Variants in PTCH1 observed in about 807,000 individuals in gnomAD.
PTCH1 encodes patched 1, also known as protein patched homolog 1.
A neutral mutation model predicts 144.6 loss-of-function variants in PTCH1; 14 were observed. That is an observed-to-expected ratio of 0.10 (90% CI 0.06 to 0.15). PTCH1 has a LOEUF of 0.15. Among genes scored for constraint, PTCH1 ranks in the 10% least tolerant of loss-of-function variants. PTCH1 has a pLI of 1.00. For missense variants in PTCH1, 1,623 were observed against 1,948.3 expected (o/e 0.83, Z 3.14); for synonymous variants, 833 against 793.6 (o/e 1.05, Z -0.83).
intron 2 of PTCH1, among the ~76,000 whole-genome samples, chr9:95,498,087 ACATTGACTTAACAAAGCC>A (rs1842908893): frequency 6.6e-6 from 1 of 152,234 alleles, no homozygotes; most frequent in Non-Finnish European, 1.5e-5. Context: ...AAAATCATGC[ACATTGACTTAACAAAGCC>A]CATTTCCAGT....
At chr9:95,494,163 C>T (rs1036202329) in intron 2 of PTCH1, 20 of 975,682 alleles carry the variant, frequency 2.0e-5, no homozygotes, top group Admixed American at 6.1e-5. Context: ...GCGCATGCGC[C>T]GGAAGCAAGC....
chr9:95,482,088 A>C, intron 4 of PTCH1, 46 bp downstream of exon 4: 2 of 1,608,406 alleles, frequency 1.2e-6, no homozygotes, highest in Non-Finnish European at 1.7e-6. Context: ...AAGGCACACT[A>C]CTGGGGTGTT....
intron 16 of PTCH1, among the ~76,000 whole-genome samples, chr9:95,461,179 T>C (rs146846965): frequency 2.5e-3 from 373 of 152,214 alleles, no homozygotes; most frequent in African/African-American, 8.6e-3. Flanking sequence ...AAAAGGGGTA[T>C]GCTGGAATCC....
In PTCH1 at chr9:95,449,397, G is replaced by A. The variant is rs566845819; in HGVS notation, c.3550-74C>T. 61 of 1,531,792 alleles carry A rather than the reference G, an allele frequency of 4.0e-5. 3 individuals carry two copies. The South Asian group carries it at 5.2e-4, about 13-fold the overall frequency. The allele number at this position is 1,531,792 out of a possible 1,614,324, so 94.9% of individuals were successfully genotyped here. A position where few individuals can be genotyped will look rare whatever the true frequency, so the allele number is the denominator to read the frequency against. ...TGGCCACACTCAAAGCTCAAAGCACGGTATTTTTCAGGGGCCTCTGTTCCC... is the reference window on the plus strand; with the variant it reads ...TGGCCACACTCAAAGCTCAAAGCACAGTATTTTTCAGGGGCCTCTGTTCCC... On this transcript the variant is annotated intron_variant, in intron 21 of 23. Transcript: ENST00000331920. The surrounding 1 kb of genome is among the most constrained non-coding windows in gnomAD (Gnocchi z 5.3).
intron 19 of PTCH1, 90 bp downstream of exon 19, chr9:95,456,186 G>A (rs1384445744): frequency 4.5e-6 from 7 of 1,545,478 alleles, no homozygotes; most frequent in Non-Finnish European, 6.1e-6. Context: ...CACGCACAGG[G>A]AGAATGCAAG....
At chr9:95,515,005 A>C (rs1018174715) in intron 1 of PTCH1, among the ~76,000 whole-genome samples, 1 of 152,228 alleles carries the variant, frequency 6.6e-6, no homozygotes, top group Admixed American at 6.5e-5. Flanking sequence ...TGACAACTGG[A>C]ACACACATAA....
chr9:95,498,815 C>T (rs182439854), intron 2 of PTCH1, among the ~76,000 whole-genome samples: 4 of 152,358 alleles, frequency 2.6e-5, no homozygotes, highest in Admixed American at 1.3e-4. Flanking sequence ...CTTCCTCCTC[C>T]TGCAGGCAGA....
intron 18 of PTCH1, 73 bp from the exon 19 acceptor site, chr9:95,456,486 G>A: frequency 6.4e-7 from 1 of 1,569,680 alleles, no homozygotes; most frequent in South Asian, 1.1e-5. Flanking sequence ...GAGGTCGCCA[G>A]AGGGCTAAGG....
rs1164616941 is a variant in PTCH1, at chr9:95,469,051, A to T, written c.1950T>A (p.Phe650Leu). Residue 650 changes from phenylalanine to leucine, a missense_variant, in exon 14 of 24, where the codon TTT (phenylalanine) becomes TTA (leucine). Around this residue, in one of 7 missense-constraint regions of PTCH1, gnomAD observed 179 missense variants for 165.7 expected, o/e 1.08. Coordinates refer to ENST00000331920, the MANE Select transcript of PTCH1 (RefSeq NM_000264.5). The part of the protein sequence containing the change: ...SPPPPYSSHS[F>L]AHETQITMQS... ...GCATGGTAATCTGCGTTTCATGGGC[A>T]AAGCTGTGGCTGCTGTAGGGAGGTG... is the stretch of plus-strand genomic sequence containing the variant. 1 of 1,613,912 alleles carries T rather than the reference A, an allele frequency of 6.2e-7. No individual in the cohort carries two copies. Among genetic ancestry groups the T allele is most frequent in the Non-Finnish European group, 8.5e-7 (1 of 1,180,000 alleles).
intron 1 of PTCH1, chr9:95,516,365 T>C: frequency 1.1e-6 from 1 of 945,238 alleles, no homozygotes; most frequent in South Asian, 5.1e-5. Context: ...CGCTCCTCCG[T>C]CCGCCGCGCG....
chr9:95,500,874 T>C (rs1843100014), intron 2 of PTCH1, among the ~76,000 whole-genome samples: 1 of 152,234 alleles, frequency 6.6e-6, no homozygotes. Flanking sequence ...CCAGTCTTTC[T>C]GCAAATTTAG....
intron 2 of PTCH1, among the ~76,000 whole-genome samples, chr9:95,493,110 T>C (rs904410139): frequency 8.5e-5 from 13 of 152,202 alleles, no homozygotes; most frequent in Admixed American, 7.9e-4. Flanking sequence ...GAAGAAAGGC[T>C]AGCTAGCTCA....
chr9:95,462,986 A>ACCCCCCTCCCCCCCCC (rs1839645390), intron 15 of PTCH1, among the ~76,000 whole-genome samples: 8 of 148,466 alleles, frequency 5.4e-5, no homozygotes, highest in Middle Eastern at 3.4e-3. Flanking sequence ...TCTCCGGGAC[A>ACCCCCCTCCCCCCCCC]CCCCCCTCCC....
chr9:95,489,681 A>C (rs1314633860), intron 2 of PTCH1, among the ~76,000 whole-genome samples: 4 of 151,866 alleles, frequency 2.6e-5, no homozygotes, highest in Non-Finnish European at 5.9e-5. Flanking sequence ...TTTTTAAAAT[A>C]ATCTAATGTT....
chr9:95,483,670 C>T (rs1300984588), intron 3 of PTCH1: 1 of 152,218 alleles, frequency 6.6e-6, no homozygotes, highest in Non-Finnish European at 1.5e-5. Flanking sequence ...GGGGACCGCC[C>T]ACGTTTCCTT....
At chr9:95,469,301 A>G (rs1398408333) in intron 13 of PTCH1, 148 bp from the exon 14 acceptor site, 7 of 1,119,096 alleles carry the variant, frequency 6.3e-6, no homozygotes, top group Non-Finnish European at 6.5e-6. Context: ...TTCCAGAAAC[A>G]TCGCCTGGTT....
chr9:95,481,868 G>A (rs1197150159), intron 5 of PTCH1, 81 bp downstream of exon 5: 16 of 1,286,596 alleles, frequency 1.2e-5, no homozygotes, highest in Middle Eastern at 1.8e-4. Flanking sequence ...AACTGAAATG[G>A]AACAAACAAT....
At chr9:95,472,400 C>T (rs907957526) in intron 12 of PTCH1, among the ~76,000 whole-genome samples, 1 of 152,156 alleles carries the variant, frequency 6.6e-6, no homozygotes, top group African/African-American at 2.4e-5. Flanking sequence ...ACTGAGAGGA[C>T]GTCTGTGGAC....
In PTCH1 at chr9:95,445,081, C is replaced by T. The variant is rs1415452043; in HGVS notation, c.*1312G>A. 6.6e-6 allele frequency: 1 copy of T among 152,170 alleles called. No individual in the cohort carries two copies. The allele number at this position is 152,170 out of a possible 1,614,324, so 9.4% of individuals were successfully genotyped here. The stretch of plus-strand genomic sequence containing the variant: ...GAATCCCCCCGGAGCTCTTATCCTA[C>T]ATAATGCCTGCCTCTACACCACAAT... On this transcript the variant is annotated 3_prime_UTR_variant, in exon 24 of 24. Coordinates refer to ENST00000331920, the MANE Select transcript of PTCH1 (RefSeq NM_000264.5).
Sources: allele counts gnomAD v4.1 joint callset (sites outside exome capture counted in the v4.1 genomes callset), GRCh38; gene constraint gnomAD v4.1.1; regional missense constraint gnomAD v4.1.1; non-coding constraint Gnocchi (gnomAD v3.1); transcripts MANE v1.5; gene names NCBI Gene and HGNC (gene_info 2026-07-23, HGNC 2026-07-21).